The following PAX2 variants were observed in gnomAD, a reference collection of about 807,000 sequenced individuals.
PAX2 encodes paired box 2.
PAX2 carries 9 observed loss-of-function variants against 41.7 expected under a neutral mutation model. The ratio of observed to expected loss-of-function variants is 0.22; its 90% CI spans 0.13 to 0.38. The LOEUF is 0.38. Ranked by LOEUF, PAX2 falls within the 10% of genes least tolerant of loss-of-function variation. The pLI, the probability that PAX2 is intolerant of heterozygous loss-of-function variation, is 1.00. For missense variants in PAX2, 418 were observed against 531.6 expected, an observed-to-expected ratio of 0.79 and a Z score of 2.10; for synonymous variants, 221 against 212.7, an observed-to-expected ratio of 1.04 and a Z score of -0.34.
At chr10:100,745,094 C>T (rs1005246780), upstream of PAX2, among the ~76,000 whole-genome samples, 2 of 152,088 alleles carry the variant, frequency 1.3e-5, no homozygotes, top group African/African-American at 4.8e-5. Context: ...CCCGGGGCCG[C>T]GCGGCCCAGG....
chr10:100,796,356 A>G (rs568080741), intron 5 of PAX2, among the ~76,000 whole-genome samples: 6 of 152,142 alleles, frequency 3.9e-5, no homozygotes, highest in African/African-American at 1.2e-4. Flanking sequence ...ATATAGGACC[A>G]TTTTCACATA....
chr10:100,800,949 A>C (rs1847541289), intron 5 of PAX2, among the ~76,000 whole-genome samples: 1 of 152,240 alleles, frequency 6.6e-6, no homozygotes, highest in African/African-American at 2.4e-5. Context: ...AAAGAAAATA[A>C]AAATTGCTTG....
In PAX2 at chr10:100,746,129, C is replaced by A; in HGVS notation, c.-132C>A. 6.4e-7 allele frequency: 1 copy of A among 1,564,610 alleles called. No individual in the cohort carries two copies. Among genetic ancestry groups the A allele is most frequent in the Non-Finnish European group, 8.6e-7 (1 of 1,159,338 alleles). ...GTGCTGCGCCCCCCGCCCCCGCGCGCCCCGCAGCAGCCGGGCGTTCACTCA... is the reference window on the plus strand; with the variant it reads ...GTGCTGCGCCCCCCGCCCCCGCGCGACCCGCAGCAGCCGGGCGTTCACTCA... On this transcript the variant is annotated 5_prime_UTR_variant, in exon 1 of 10. Coordinates refer to ENST00000355243, the MANE Select transcript of PAX2 (RefSeq NM_000278.5).
At chr10:100,778,025 A>T (rs1846463176) in intron 3 of PAX2, among the ~76,000 whole-genome samples, 1 of 151,946 alleles carries the variant, frequency 6.6e-6, no homozygotes, top group African/African-American at 2.4e-5. Context: ...CCTCCCCTCT[A>T]CTTCTTTGTT....
Position 100,750,241 on chromosome 10 carries a change from G to T in PAX2, c.212+327G>T, listed in dbSNP as rs1050588710. On this transcript the variant is annotated intron_variant, in intron 2 of 9. Transcript: ENST00000355243. The surrounding 1 kb of genome is among the most constrained non-coding windows in gnomAD (Gnocchi z 4.1). ...GGGTGGGAGACATTAGAGGAATGGG[G>T]GGGGAGTGAAAATGGGTCCCCGAGA... 1.3e-5 allele frequency among the ~76,000 whole-genome samples: 2 copies of T among 152,054 alleles called. No individual in the cohort carries two copies. Among genetic ancestry groups the T allele is most frequent in the African/African-American group, 4.8e-5 (2 of 41,366 alleles).
upstream of PAX2, among the ~76,000 whole-genome samples, chr10:100,745,136 C>G (rs7914238): frequency 6.6e-6 from 1 of 152,118 alleles, no homozygotes; most frequent in Non-Finnish European, 1.5e-5. Flanking sequence ...CAGGGCTGGG[C>G]GAGTTAGAAC....
At chr10:100,795,531 G>A (rs913268950) in intron 5 of PAX2, among the ~76,000 whole-genome samples, 15 of 152,246 alleles carry the variant, frequency 9.9e-5, no homozygotes, top group African/African-American at 3.6e-4. Flanking sequence ...TTTTGTGAGT[G>A]CGTGCAAGCT....
At chr10:100,790,275 C>T (rs185058862) in intron 5 of PAX2, among the ~76,000 whole-genome samples, 7 of 152,320 alleles carry the variant, frequency 4.6e-5, no homozygotes, top group South Asian at 4.1e-4. Flanking sequence ...GTCCATCCAC[C>T]GCTGGAAATT....
rs1848699044 is a variant in PAX2, at chr10:100,829,319, C to T, written c.*1700C>T. 4 of 225,976 alleles carry T rather than the reference C, an allele frequency of 1.8e-5. No homozygotes were observed. Among genetic ancestry groups the T allele is most frequent in the Admixed American group, 1.1e-4 (2 of 17,538 alleles). The allele number at this position is 225,976 out of a possible 1,614,324, so 14.0% of individuals were successfully genotyped here. A position where few individuals can be genotyped will look rare whatever the true frequency, so the allele number is the denominator to read the frequency against. On this transcript the variant is annotated 3_prime_UTR_variant, in exon 10 of 10. Transcript: ENST00000355243. ...CTTGTCTGTCTGTCTCTGCTCTTTC[C>T]TCGGCCTCTCTCCCCAGACCTGGCC...
intron 7 of PAX2, among the ~76,000 whole-genome samples, chr10:100,818,325 T>G (rs1848257052): frequency 6.6e-6 from 1 of 152,246 alleles, no homozygotes; most frequent in South Asian, 2.1e-4. Context: ...CGTGGCTTCC[T>G]TTTTATTTCC....
chr10:100,766,706 G>T (rs1043341985), intron 3 of PAX2, among the ~76,000 whole-genome samples: 1 of 152,150 alleles, frequency 6.6e-6, no homozygotes, highest in Non-Finnish European at 1.5e-5. Context: ...TCTTCCTTCT[G>T]AAAAGCAGCA....
At chr10:100,803,185 G>A (rs1039988932) in intron 5 of PAX2, among the ~76,000 whole-genome samples, 5 of 152,134 alleles carry the variant, frequency 3.3e-5, no homozygotes, top group Non-Finnish European at 7.3e-5. Context: ...AGTCTTCAGC[G>A]AAAGTAGAGC....
chr10:100,780,778 A>G (rs1383475371), intron 4 of PAX2, among the ~76,000 whole-genome samples: 3 of 152,212 alleles, frequency 2.0e-5, no homozygotes, highest in Non-Finnish European at 4.4e-5. Context: ...GACTCAGCCC[A>G]GGAGACTGAG....
chr10:100,790,898 C>T (rs1847089978), intron 5 of PAX2, among the ~76,000 whole-genome samples: 1 of 152,118 alleles, frequency 6.6e-6, no homozygotes, highest in East Asian at 1.9e-4. Context: ...TCAGGGGCTG[C>T]GAGACAGATC....
intron 1 of PAX2, chr10:100,749,376 C>G (rs1013886025): frequency 9.3e-7 from 1 of 1,072,024 alleles, no homozygotes. Flanking sequence ...TAGTCCAGTC[C>G]TCTGCCAGGC....
At position 100,746,071 on chromosome 10, in the gene PAX2, G is replaced by C; in HGVS notation, c.-190G>C. The C allele has an allele frequency of 2.7e-6, 4 of 1,486,026 alleles. No individual in the cohort carries two copies. Among genetic ancestry groups the C allele is most frequent in the South Asian group, 1.4e-5 (1 of 73,438 alleles). 92.1% of individuals were successfully genotyped at this position (1,486,026 alleles called of 1,614,324 possible). ...TGCGGCTACTGCAGTTGCAAGCTCC[G>C]GCCAACCCGGAGGAGCCCCAGCGGG... On this transcript the variant is annotated 5_prime_UTR_variant, in exon 1 of 10. Coordinates refer to ENST00000355243, the MANE Select transcript of PAX2 (RefSeq NM_000278.5).
intron 3 of PAX2, among the ~76,000 whole-genome samples, chr10:100,763,667 G>T (rs1845911804): frequency 1.3e-5 from 2 of 152,224 alleles, no homozygotes. Flanking sequence ...GCCATTTTAA[G>T]GGAGACTGTC....
Position 100,826,923 on chromosome 10 carries a change from G to A in PAX2, c.1022-86G>A, listed in dbSNP as rs1848589301. Reference sequence around the variant, plus strand: ...ACCTGCGCCTGAGACCCGGCGGGAGGAGCGGGCGGAGAAGCCACCGGCCGG... The same window carrying A: ...ACCTGCGCCTGAGACCCGGCGGGAGAAGCGGGCGGAGAAGCCACCGGCCGG... On this transcript the variant is annotated intron_variant, in intron 8 of 9. Coordinates refer to ENST00000355243, the MANE Select transcript of PAX2 (RefSeq NM_000278.5). This position sits in a 1 kb window ranked among gnomAD's most constrained non-coding sequence, Gnocchi z 5.5. 9 of 891,568 alleles carry A rather than the reference G, an allele frequency of 1.0e-5. No homozygotes were observed. The highest frequency in any genetic ancestry group is 8.0e-5 in the South Asian group (6 of 75,224). 55.2% of individuals were successfully genotyped at this position (891,568 alleles called of 1,614,324 possible).
intron 7 of PAX2, 124 bp downstream of exon 7, chr10:100,809,360 T>C (rs1343276074): frequency 5.0e-6 from 5 of 1,006,996 alleles, no homozygotes; most frequent in African/African-American, 1.6e-5. Flanking sequence ...GAACGAGGCT[T>C]CTAAAACCAG....
Sources: gnomAD v4.1 joint callset for allele counts (sites outside exome capture counted in the v4.1 genomes callset) on GRCh38, gnomAD v4.1.1 for gene constraint, Gnocchi (gnomAD v3.1) non-coding constraint, MANE v1.5 for transcripts, NCBI Gene and HGNC (gene_info 2026-07-23, HGNC 2026-07-21) for gene names.